AGBL1: variants seen among roughly 807,000 people sequenced by gnomAD.
AGBL1 encodes the protein cytosolic carboxypeptidase 4.
Under a neutral mutation model 118.9 loss-of-function variants are expected in AGBL1, and 130 were observed. The observed-to-expected ratio is 1.09, with a 90% CI of 0.95 to 1.26. AGBL1 has a LOEUF of 1.26. Ranked by LOEUF, AGBL1 falls within the 50% of genes most tolerant of loss-of-function variation. The probability of loss-of-function intolerance (pLI) is 0.00; values close to 1 mark genes in which losing one functional copy is unlikely to be tolerated. For missense variants in AGBL1, 1,584 were observed against 1,298.1 expected (o/e 1.22, Z -3.38); for synonymous variants, 555 against 478.9 (o/e 1.16, Z -2.08).
Position 86,271,640 on chromosome 15 carries a change from C to G in AGBL1, c.2009C>G (p.Ser670Cys). ...FNYGMQPTLY[S>C]VKEALLGKPT... The stretch of plus-strand genomic sequence containing the variant: ...GTAGGGATGCAGCCCACCCTATATT[C>G]TGTGAAGGAGGCTCTTCTTGGCAAA... Residue 670 changes from serine to cysteine, a missense_variant, in exon 15 of 23, where the codon TCT becomes TGT. Physicochemically the swap from Ser to Cys is moderately radical, Grantham distance 112. Transcript: ENST00000614907. 3 of 1,612,586 alleles carry G rather than the reference C, an allele frequency of 1.9e-6. No individual in the cohort carries two copies. Among genetic ancestry groups the G allele is most frequent in the Non-Finnish European group, 2.5e-6 (3 of 1,178,660 alleles).
At chr15:86,874,546 G>A (rs1274845300) in intron 22 of AGBL1, among the ~76,000 whole-genome samples, 2 of 152,130 alleles carry the variant, frequency 1.3e-5, no homozygotes, top group Non-Finnish European at 2.9e-5. Flanking sequence ...GAGTACCAGA[G>A]TGGGTACCTG....
chr15:86,548,397 A>G (rs2083615537), intron 20 of AGBL1, among the ~76,000 whole-genome samples: 1 of 152,182 alleles, frequency 6.6e-6, no homozygotes, highest in Non-Finnish European at 1.5e-5. Flanking sequence ...TTATGTTGGT[A>G]TAAAGAGGTC....
intron 23 of AGBL1, among the ~76,000 whole-genome samples, chr15:86,922,045 T>C (rs1702505613): frequency 2.6e-5 from 4 of 152,198 alleles, no homozygotes; most frequent in Admixed American, 2.6e-4. Flanking sequence ...TTTTTCAGTC[T>C]TTCATTGATT....
At chr15:86,405,172 C>T (rs902170523) in intron 18 of AGBL1, among the ~76,000 whole-genome samples, 1 of 152,104 alleles carries the variant, frequency 6.6e-6, no homozygotes, top group Non-Finnish European at 1.5e-5. Context: ...AAGTGTTAAT[C>T]AGTCTTCTAG....
chr15:86,337,347 A>G (rs1373514460), intron 17 of AGBL1, among the ~76,000 whole-genome samples: 1 of 152,150 alleles, frequency 6.6e-6, no homozygotes, highest in Non-Finnish European at 1.5e-5. Context: ...AAAAGAAAAA[A>G]AAAGTAGGAA....
chr15:86,461,528 C>G (rs1417080898), intron 18 of AGBL1, among the ~76,000 whole-genome samples: 1 of 152,164 alleles, frequency 6.6e-6, no homozygotes, highest in Non-Finnish European at 1.5e-5. Context: ...TCTCATTAAT[C>G]TCACAGACTT....
At chr15:86,126,374 C>A (rs533204015) in intron 1 of AGBL1, among the ~76,000 whole-genome samples, 1 of 152,164 alleles carries the variant, frequency 6.6e-6, no homozygotes, top group East Asian at 1.9e-4. Context: ...TATTGACAAC[C>A]AAGAATCCAT....
At chr15:86,093,832 G>A (rs1307260825) in intron 1 of AGBL1, among the ~76,000 whole-genome samples, 8 of 152,112 alleles carry the variant, frequency 5.3e-5, no homozygotes, top group African/African-American at 1.7e-4. Context: ...AGCAGAGAAT[G>A]AGGCAGCAAC....
chr15:86,861,413 C>A (rs538110469), intron 22 of AGBL1, among the ~76,000 whole-genome samples: 2 of 152,294 alleles, frequency 1.3e-5, no homozygotes, highest in East Asian at 1.9e-4. Context: ...TTCTCAAAAT[C>A]TTTTGAGTTA....
intron 22 of AGBL1, among the ~76,000 whole-genome samples, chr15:86,743,854 A>C (rs2077716586): frequency 6.6e-6 from 1 of 151,856 alleles, no homozygotes; most frequent in South Asian, 2.1e-4. Context: ...AGTGTATCTG[A>C]TCACACACCC....
intron 22 of AGBL1, among the ~76,000 whole-genome samples, chr15:86,881,817 G>A (rs2141533147): frequency 6.6e-6 from 1 of 152,208 alleles, no homozygotes; most frequent in African/African-American, 2.4e-5. Flanking sequence ...TGTATTTTTA[G>A]TAGAGATGGA....
chr15:86,396,057 A>G (rs2081355845), intron 17 of AGBL1, among the ~76,000 whole-genome samples: 1 of 151,240 alleles, frequency 6.6e-6, no homozygotes, highest in Admixed American at 6.6e-5. Context: ...GTTGCTGAAA[A>G]TGACAGAATT....
intron 22 of AGBL1, among the ~76,000 whole-genome samples, chr15:86,893,884 AG>A (rs1184229251): frequency 6.6e-6 from 1 of 152,144 alleles, no homozygotes; most frequent in Admixed American, 6.5e-5. Context: ...TATCATTTCA[AG>A]AAGAAAAACA....
At chr15:86,672,602 A>G (rs573519133) in intron 21 of AGBL1, among the ~76,000 whole-genome samples, 285 of 152,110 alleles carry the variant, frequency 1.9e-3, no homozygotes, top group Middle Eastern at 3.4e-3. Flanking sequence ...TGTGACCTTC[A>G]CTTCCAATCA....
chr15:86,197,510 G>T (rs907431007), intron 5 of AGBL1, among the ~76,000 whole-genome samples: 1 of 152,190 alleles, frequency 6.6e-6, no homozygotes, highest in Non-Finnish European at 1.5e-5. Flanking sequence ...GAACTGGCAG[G>T]CACTAAAATT....
Position 86,818,436 on chromosome 15 carries a change from C to T in AGBL1, c.3159-88651C>T, listed in dbSNP as rs192797919. On this transcript the variant is annotated intron_variant, in intron 22 of 22. Transcript: ENST00000614907. The stretch of plus-strand genomic sequence containing the variant: ...ATGCAAGGAATCCAGGTTGCATGCT[C>T]CTGAGGAGAATCTAATGCCTAATGC... Among the ~76,000 whole-genome samples, 737 of 152,246 alleles carry T rather than the reference C, an allele frequency of 4.8e-3. 5 individuals are homozygous for T. Among genetic ancestry groups the T allele is most frequent in the South Asian group, 0.02 (97 of 4,818 alleles).
intron 22 of AGBL1, among the ~76,000 whole-genome samples, chr15:86,784,370 C>G (rs1036438106): frequency 2.0e-5 from 3 of 152,164 alleles, no homozygotes; most frequent in African/African-American, 7.2e-5. Flanking sequence ...ATGCAAATTC[C>G]AGAAATAATA....
chr15:86,206,787 T>C (rs932623190), intron 5 of AGBL1, among the ~76,000 whole-genome samples: 3 of 152,222 alleles, frequency 2.0e-5, no homozygotes, highest in Non-Finnish European at 4.4e-5. Flanking sequence ...GGTAGTTTCT[T>C]TTGCTGTGCA....
chr15:86,435,013 C>T (rs1052856087), intron 18 of AGBL1, among the ~76,000 whole-genome samples: 1 of 152,122 alleles, frequency 6.6e-6, no homozygotes, highest in Non-Finnish European at 1.5e-5. Context: ...AATATATACG[C>T]TGAAAGATCC....
Sources: gnomAD v4.1 joint callset for allele counts (sites outside exome capture counted in the v4.1 genomes callset) on GRCh38, gnomAD v4.1.1 for gene constraint, MANE v1.5 for transcripts, NCBI Gene and HGNC (gene_info 2026-07-23, HGNC 2026-07-21) for gene names.